The following OR52B6 variants were observed in gnomAD, a reference collection of about 807,000 sequenced individuals.
The protein encoded by OR52B6 is olfactory receptor family 52 subfamily B member 6.
For missense variants in OR52B6, 433 were observed against 416.8 expected (o/e 1.04, Z -0.34); for synonymous variants, 169 against 160.0 (o/e 1.06, Z -0.42).
chr11:5,581,241 T>G lies in OR52B6; in HGVS notation c.365T>G (p.Phe122Cys). 19 of 1,614,050 alleles carry G rather than the reference T, an allele frequency of 1.2e-5. No homozygotes were observed. The highest frequency in any genetic ancestry group is 1.6e-5 in the Non-Finnish European group (19 of 1,179,936). Reference protein sequence around the residue: ...ISFDGCLTQMFFIHFLFIHSA... With the variant: ...ISFDGCLTQMCFIHFLFIHSA... ...TTTGATGGCTGCCTCACTCAGATGT[T>G]CTTCATTCACTTCCTCTTCATTCAC... The change falls in exon 1 of 1, where the codon TTC becomes TGC. Residue 122 changes from phenylalanine to cysteine, a missense_variant. Phe to Cys is a radical substitution (Grantham distance 205). Coordinates refer to ENST00000345043, the MANE Select transcript of OR52B6 (RefSeq NM_001005162.2).
In OR52B6 at chr11:5,581,727, G is replaced by T. The variant is rs1324746271; in HGVS notation, c.851G>T (p.Gly284Val). The change falls in exon 1 of 1, where the codon GGT (glycine) becomes GTT (valine). Residue 284 changes from glycine to valine, a missense_variant. Physicochemically the swap from Gly to Val is moderately radical, Grantham distance 109 (BLOSUM62 -3). Coordinates refer to ENST00000345043, the MANE Select transcript of OR52B6 (RefSeq NM_001005162.2). ...ALFSVFAYRF[G>V]GRSVPCYVHI... is the part of the protein sequence containing the mutation. ...TTTTCTGTCTTTGCCTACAGGTTTGGTGGGAGAAGCGTCCCATGCTATGTC... is the reference window on the plus strand; with the variant it reads ...TTTTCTGTCTTTGCCTACAGGTTTGTTGGGAGAAGCGTCCCATGCTATGTC... The T allele has an allele frequency of 1.2e-6, 2 of 1,613,916 alleles. No homozygotes were observed. Among genetic ancestry groups the T allele is most frequent in the South Asian group, 1.1e-5 (1 of 91,074 alleles).
Position 5,581,782 on chromosome 11 carries a change from C to T in OR52B6, c.906C>T (p.Val302=), listed in dbSNP as rs768836766. 22 of 1,614,010 alleles carry T rather than the reference C, an allele frequency of 1.4e-5. No homozygotes were observed. The South Asian group carries it at 1.8e-4, about 13-fold the overall frequency. ...VHILLASLYV[V]IPPMLNPVIY... ...TTCTCCTGGCCAGCCTCTACGTTGT[C>T]ATTCCTCCTATGCTCAATCCCGTTA... The change falls in exon 1 of 1, where the codon GTC becomes GTT. Residue 302 remains valine, a synonymous_variant. Transcript: ENST00000345043.
In OR52B6 at chr11:5,581,439, G is replaced by T. The variant is rs756504887; in HGVS notation, c.563G>T (p.Cys188Phe). The change falls in exon 1 of 1, where the codon TGC (cysteine) becomes TTC (phenylalanine). Residue 188 changes from cysteine (C) to phenylalanine (F), a missense_variant. Physicochemically the swap from Cys to Phe is radical, Grantham distance 205. Transcript: ENST00000345043. ...SIFLLEHLHY[C>F]QINIIAHTFC... is the part of the protein sequence containing the mutation. ...TTTCTCCTTGAGCACCTGCACTATT[G>T]CCAGATCAATATCATTGCACACACA... is the stretch of plus-strand genomic sequence containing the variant. The T allele has an allele frequency of 6.2e-7, 1 of 1,614,024 alleles. No individual in the cohort carries two copies. Among genetic ancestry groups the T allele is most frequent in the Non-Finnish European group, 8.5e-7 (1 of 1,179,994 alleles).
chr11:5,581,791 T>C lies in OR52B6; in HGVS notation c.915T>C (p.Pro305=), dbSNP rs1418120086. The C allele has an allele frequency of 6.2e-7, 1 of 1,613,882 alleles. No individual in the cohort carries two copies. The highest frequency in any genetic ancestry group is 8.5e-7 in the Non-Finnish European group (1 of 1,179,760). ...CCAGCCTCTACGTTGTCATTCCTCC[T>C]ATGCTCAATCCCGTTATTTATGGAG... The part of the protein sequence containing the change: ...LLASLYVVIP[P]MLNPVIYGVR... The change falls in exon 1 of 1, where the codon CCT becomes CCC. Residue 305 remains proline (P), a synonymous_variant. Transcript: ENST00000345043.
Position 5,581,142 on chromosome 11 carries a change from C to T in OR52B6, c.266C>T (p.Ala89Val), listed in dbSNP as rs1847161535. Residue 89 changes from alanine (A) to valine (V), a missense_variant, in exon 1 of 1, where the codon GCT (alanine) becomes GTT (valine). Transcript: ENST00000345043. ...MYIFLSMLAS[A>V]DVLLSTTTMP... ...ATATTCTTATCTATGCTGGCCAGTG[C>T]TGATGTCTTGCTCTCTACCACCACC... 1.2e-6 allele frequency: 2 copies of T among 1,613,692 alleles called. No homozygotes were observed. Among genetic ancestry groups the T allele is most frequent in the Non-Finnish European group, 8.5e-7 (1 of 1,179,780 alleles).
chr11:5,581,580 T>C lies in OR52B6; in HGVS notation c.704T>C (p.Val235Ala). 6.2e-7 allele frequency: 1 copy of C among 1,614,150 alleles called. No individual in the cohort carries two copies. The highest frequency in any genetic ancestry group is 8.5e-7 in the Non-Finnish European group (1 of 1,180,014). The change falls in exon 1 of 1, where the codon GTT becomes GCT. Residue 235 changes from valine to alanine, a missense_variant. Coordinates refer to ENST00000345043, the MANE Select transcript of OR52B6 (RefSeq NM_001005162.2). ...GGCCTAGACATCATGCTTATTACTG[T>C]TTCCTACATCCACATCCTCCAAGCA... ...STGLDIMLIT[V>A]SYIHILQAVF...
chr11:5,581,057 G>A lies in OR52B6; in HGVS notation c.181G>A (p.Gly61Ser). Residue 61 changes from glycine (G) to serine (S), a missense_variant, in exon 1 of 1, where the codon GGC (glycine) becomes AGC (serine). Gly to Ser is a moderately conservative substitution (Grantham distance 56, BLOSUM62 0). Transcript: ENST00000345043. Reference sequence around the variant, plus strand: ...CATCATGTACATCACTGCCCTGGAAGGCAATGGCATCCTAATTTGTGTCAT... The same window carrying A: ...CATCATGTACATCACTGCCCTGGAAAGCAATGGCATCCTAATTTGTGTCAT... ...FCIMYITALE[G>S]NGILICVILS... 6.2e-7 allele frequency: 1 copy of A among 1,614,016 alleles called. No homozygotes were observed. Among genetic ancestry groups the A allele is most frequent in the Non-Finnish European group, 8.5e-7 (1 of 1,179,898 alleles).
rs778642683 is a variant in OR52B6, at chr11:5,581,752, C to T, written c.876C>T (p.Val292=). The change falls in exon 1 of 1, where the codon GTC becomes GTT. Residue 292 remains valine (V), a synonymous_variant. Coordinates refer to ENST00000345043, the MANE Select transcript of OR52B6 (RefSeq NM_001005162.2). ...GTGGGAGAAGCGTCCCATGCTATGT[C>T]CATATTCTCCTGGCCAGCCTCTACG... The part of the protein sequence containing the change: ...RFGGRSVPCY[V]HILLASLYVV... 1.2e-6 allele frequency: 2 copies of T among 1,613,940 alleles called. No homozygotes were observed. The highest frequency in any genetic ancestry group is 1.3e-5 in the African/African-American group (1 of 74,910).
chr11:5,581,143 T>G lies in OR52B6; in HGVS notation c.267T>G (p.Ala89=). 1 of 1,613,812 alleles carries G rather than the reference T, an allele frequency of 6.2e-7. No homozygotes were observed. Among genetic ancestry groups the G allele is most frequent in the South Asian group, 1.1e-5 (1 of 91,008 alleles). Residue 89 remains alanine, a synonymous_variant, in exon 1 of 1, where the codon GCT becomes GCG. Coordinates refer to ENST00000345043, the MANE Select transcript of OR52B6 (RefSeq NM_001005162.2). ...MYIFLSMLAS[A]DVLLSTTTMP... ...TATTCTTATCTATGCTGGCCAGTGC[T>G]GATGTCTTGCTCTCTACCACCACCA...
chr11:5,581,405 C>T lies in OR52B6; in HGVS notation c.529C>T (p.Pro177Ser). Residue 177 changes from proline to serine, a missense_variant, in exon 1 of 1, where the codon CCA becomes TCA. Transcript: ENST00000345043. ...GAGCCACAGCTTCATCATTATGTTT[C>T]CATCCATCTTTCTCCTTGAGCACCT... ...ALSHSFIIMFPSIFLLEHLHY... is the reference protein window; with the variant it reads ...ALSHSFIIMFSSIFLLEHLHY... 1 of 1,613,978 alleles carries T rather than the reference C, an allele frequency of 6.2e-7. No individual in the cohort carries two copies. The highest frequency in any genetic ancestry group is 8.5e-7 in the Non-Finnish European group (1 of 1,180,006).
In OR52B6 at chr11:5,581,127, C is replaced by G; in HGVS notation, c.251C>G (p.Ser84Cys). 1 of 1,614,108 alleles carries G rather than the reference C, an allele frequency of 6.2e-7. No individual in the cohort carries two copies. Among genetic ancestry groups the G allele is most frequent in the Non-Finnish European group, 8.5e-7 (1 of 1,179,978 alleles). The part of the protein sequence containing the change: ...ILHEPMYIFL[S>C]MLASADVLLS... The stretch of plus-strand genomic sequence containing the variant: ...CATGAGCCCATGTACATATTCTTAT[C>G]TATGCTGGCCAGTGCTGATGTCTTG... Residue 84 changes from serine (S) to cysteine (C), a missense_variant, in exon 1 of 1, where the codon TCT (serine) becomes TGT (cysteine). Ser to Cys is a moderately radical substitution (Grantham distance 112, BLOSUM62 -1). Transcript: ENST00000345043.
Position 5,581,140 on chromosome 11 carries a change from T to G in OR52B6, c.264T>G (p.Ser88Arg), listed in dbSNP as rs756069768. The G allele has an allele frequency of 6.2e-7, 1 of 1,613,876 alleles. No homozygotes were observed. The highest frequency in any genetic ancestry group is 1.1e-5 in the South Asian group (1 of 91,030). Residue 88 changes from serine to arginine, a missense_variant, in exon 1 of 1, where the codon AGT becomes AGG. Ser to Arg is a moderately radical substitution (Grantham distance 110, BLOSUM62 -1). Transcript: ENST00000345043. The part of the protein sequence containing the change: ...PMYIFLSMLA[S>R]ADVLLSTTTM... The stretch of plus-strand genomic sequence containing the variant: ...ACATATTCTTATCTATGCTGGCCAG[T>G]GCTGATGTCTTGCTCTCTACCACCA...
chr11:5,581,731 G>A lies in OR52B6; in HGVS notation c.855G>A (p.Gly285=). 1.2e-6 allele frequency: 2 copies of A among 1,614,040 alleles called. No homozygotes were observed. The highest frequency in any genetic ancestry group is 1.7e-6 in the Non-Finnish European group (2 of 1,179,954). ...LFSVFAYRFG[G]RSVPCYVHIL... is the part of the protein sequence containing the mutation. ...CTGTCTTTGCCTACAGGTTTGGTGG[G>A]AGAAGCGTCCCATGCTATGTCCATA... is the stretch of plus-strand genomic sequence containing the variant. The change falls in exon 1 of 1, where the codon GGG becomes GGA. Residue 285 remains glycine, a synonymous_variant. Coordinates refer to ENST00000345043, the MANE Select transcript of OR52B6 (RefSeq NM_001005162.2).
In OR52B6 at chr11:5,581,471, G is replaced by C. The variant is rs866023564; in HGVS notation, c.595G>C (p.Glu199Gln). 2.5e-6 allele frequency: 4 copies of C among 1,613,868 alleles called. No homozygotes were observed. Among genetic ancestry groups the C allele is most frequent in the Non-Finnish European group, 3.4e-6 (4 of 1,180,012 alleles). The change falls in exon 1 of 1, where the codon GAG becomes CAG. Residue 199 changes from glutamate to glutamine, a missense_variant. Glu to Gln is a conservative substitution (Grantham distance 29). Transcript: ENST00000345043. ...CAATATCATTGCACACACATTTTGT[G>C]AGCACATGGGCATTGCCCATCTGTC... is the stretch of plus-strand genomic sequence containing the variant. Reference protein sequence around the residue: ...QINIIAHTFCEHMGIAHLSCS... With the variant: ...QINIIAHTFCQHMGIAHLSCS...
chr11:5,581,161 C>CG lies in OR52B6; in HGVS notation c.285_286insG (p.Thr96AspfsTer5). Reference sequence around the variant, plus strand: ...CCAGTGCTGATGTCTTGCTCTCTACCACCACCATGCCTAAGGCCCTGGCCA... The same window carrying CG: ...CCAGTGCTGATGTCTTGCTCTCTACCGACCACCATGCCTAAGGCCCTGGCCA... On this transcript the variant is annotated frameshift_variant, in exon 1 of 1. Transcript: ENST00000345043. LOFTEE classifies it low-confidence loss of function (END_TRUNC). The CG allele has an allele frequency of 6.2e-7, 1 of 1,613,140 alleles. No homozygotes were observed. Among genetic ancestry groups the CG allele is most frequent in the Non-Finnish European group, 8.5e-7 (1 of 1,179,472 alleles).
At position 5,581,376 on chromosome 11, in the gene OR52B6, C is replaced by T. The variant is rs745384255; in HGVS notation, c.500C>T (p.Ala167Val). The T allele has an allele frequency of 1.9e-6, 3 of 1,613,474 alleles. No homozygotes were observed. In the East Asian group the frequency reaches 6.7e-5, roughly 36 times the overall value. ...GTCATTGGGAAGATCGTCACTGCCG[C>T]CCTGAGCCACAGCTTCATCATTATG... is the stretch of plus-strand genomic sequence containing the variant. ...SKVIGKIVTA[A>V]LSHSFIIMFP... Residue 167 changes from alanine (A) to valine (V), a missense_variant, in exon 1 of 1, where the codon GCC becomes GTC. Physicochemically the swap from Ala to Val is moderately conservative, Grantham distance 64. Transcript: ENST00000345043.
rs1485251570 is a variant in OR52B6, at chr11:5,581,557, C to T, written c.681C>T (p.Gly227=). The T allele has an allele frequency of 1.2e-6, 2 of 1,614,022 alleles. No homozygotes were observed. The highest frequency in any genetic ancestry group is 2.7e-5 in the African/African-American group (2 of 74,912). ...TGGCAGCTGCTCTTCTCTCCACAGG[C>T]CTAGACATCATGCTTATTACTGTTT... ...YGLAAALLST[G]LDIMLITVSY... Residue 227 remains glycine (G), a synonymous_variant, in exon 1 of 1, where the codon GGC becomes GGT. Transcript: ENST00000345043.
At position 5,580,943 on chromosome 11, in the gene OR52B6, A is replaced by T. The variant is rs1847159298; in HGVS notation, c.67A>T (p.Asn23Tyr). Reference protein sequence around the residue: ...LFSANSIGAMNNSDTRIAGCF... With the variant: ...LFSANSIGAMYNSDTRIAGCF... ...TTCTGCTAACAGCATAGGTGCTATG[A>T]ACAACTCTGACACTCGCATAGCAGG... Residue 23 changes from asparagine to tyrosine, a missense_variant, in exon 1 of 1, where the codon AAC (asparagine) becomes TAC (tyrosine). Physicochemically the swap from Asn to Tyr is moderately radical, Grantham distance 143. Coordinates refer to ENST00000345043, the MANE Select transcript of OR52B6 (RefSeq NM_001005162.2). The T allele has an allele frequency of 1.2e-6, 2 of 1,612,360 alleles. No individual in the cohort carries two copies. Among genetic ancestry groups the T allele is most frequent in the East Asian group, 2.2e-5 (1 of 44,874 alleles).
chr11:5,581,165 A>G lies in OR52B6; in HGVS notation c.289A>G (p.Thr97Ala), dbSNP rs1847161830. 2 of 1,613,202 alleles carry G rather than the reference A, an allele frequency of 1.2e-6. No individual in the cohort carries two copies. Among genetic ancestry groups the G allele is most frequent in the South Asian group, 1.1e-5 (1 of 90,888 alleles). The part of the protein sequence containing the change: ...ASADVLLSTT[T>A]MPKALANLWL... ...TGCTGATGTCTTGCTCTCTACCACCACCATGCCTAAGGCCCTGGCCAATTT... is the reference window on the plus strand; with the variant it reads ...TGCTGATGTCTTGCTCTCTACCACCGCCATGCCTAAGGCCCTGGCCAATTT... The change falls in exon 1 of 1, where the codon ACC (threonine) becomes GCC (alanine). Residue 97 changes from threonine (T) to alanine (A), a missense_variant. Transcript: ENST00000345043.
Sources: gnomAD v4.1 joint callset for allele counts on GRCh38, gnomAD v4.1.1 for gene constraint, MANE v1.5 for transcripts, NCBI Gene and HGNC (gene_info 2026-07-23, HGNC 2026-07-21) for gene names.